Variants in NRG4 observed in about 807,000 individuals in gnomAD.
The protein encoded by NRG4 is neuregulin 4, also known as pro-neuregulin-4, membrane-bound isoform.
Under a neutral mutation model 15.0 loss-of-function variants are expected in NRG4, and 10 were observed. The observed-to-expected ratio is 0.67, with a 90% CI of 0.41 to 1.13. The LOEUF is 1.13. NRG4 is among the 50% of genes most tolerant of loss of function. The probability of loss-of-function intolerance (pLI) is 0.00; values close to 1 mark genes in which losing one functional copy is unlikely to be tolerated. For synonymous variants in NRG4, 41 were observed against 50.1 expected (o/e 0.82, Z 0.77); for missense variants, 139 against 140.2 (o/e 0.99, Z 0.04).
At chr15:75,947,819 T>A (rs934765356) in intron 5 of NRG4, among the ~76,000 whole-genome samples, 15 of 152,194 alleles carry the variant, frequency 9.9e-5, no homozygotes, top group Non-Finnish European at 2.1e-4. Context: ...TCTGGTTTTT[T>A]GTTTGTTTGT....
In NRG4 at chr15:76,021,342, T is replaced by G. The variant is rs143125143; in HGVS notation, c.-56-10056A>C. On this transcript the variant is annotated intron_variant, in intron 5 of 8. Coordinates refer to the NRG4 transcript ENST00000563910. The stretch of plus-strand genomic sequence containing the variant: ...GTCAGCATTTTTTAACAATAAAGTA[T>G]TTTTAAATTAAGGGATATACATTAT... Among the ~76,000 whole-genome samples the G allele has an allele frequency of 1.2e-3, 186 of 152,340 alleles. 2 individuals are homozygous for G. In the East Asian group the frequency reaches 0.032, roughly 26 times the overall value.
chr15:75,983,460 C>T (rs2033678377), intron 3 of NRG4, among the ~76,000 whole-genome samples: 1 of 152,130 alleles, frequency 6.6e-6, no homozygotes, highest in African/African-American at 2.4e-5. Flanking sequence ...AAAAAACACT[C>T]ACTGCTACCC....
intron 5 of NRG4, among the ~76,000 whole-genome samples, chr15:76,021,551 C>T (rs1230237996): frequency 2.0e-5 from 3 of 152,080 alleles, no homozygotes; most frequent in Non-Finnish European, 4.4e-5. Context: ...ACACACTAAA[C>T]CATTTTAGTG....
chr15:75,952,878 A>G (rs2141789213), intron 5 of NRG4, among the ~76,000 whole-genome samples: 1 of 152,268 alleles, frequency 6.6e-6, no homozygotes, highest in Admixed American at 6.5e-5. Context: ...AATATTGTTT[A>G]TATATTCAAC....
At chr15:76,025,646 C>T (rs2035293463) in intron 5 of NRG4, among the ~76,000 whole-genome samples, 1 of 152,002 alleles carries the variant, frequency 6.6e-6, no homozygotes, top group Non-Finnish European at 1.5e-5. Context: ...GAGGCCAAGA[C>T]TGGTAGATCA....
chr15:76,012,833 T>C (rs117028819), upstream of NRG4, among the ~76,000 whole-genome samples: 1 of 152,300 alleles, frequency 6.6e-6, no homozygotes, highest in East Asian at 1.9e-4. Context: ...GAAGAACTTA[T>C]AAAGCTAAAA....
intron 3 of NRG4, among the ~76,000 whole-genome samples, chr15:75,965,505 T>C (rs2032755478): frequency 6.6e-6 from 1 of 152,178 alleles, no homozygotes; most frequent in East Asian, 1.9e-4. Flanking sequence ...AACAATCTTA[T>C]CATTGTTAGG....
intron 3 of NRG4, among the ~76,000 whole-genome samples, chr15:75,979,251 G>A (rs538047409): frequency 3.2e-4 from 48 of 152,024 alleles, no homozygotes; most frequent in Non-Finnish European, 5.3e-4. Context: ...TAGTTTCATA[G>A]TTTCAGGTTT....
intron 3 of NRG4, among the ~76,000 whole-genome samples, chr15:75,993,502 C>T (rs1010533877): frequency 2.6e-5 from 4 of 151,094 alleles, no homozygotes; most frequent in Non-Finnish European, 4.4e-5. Context: ...GAGTTCAAGA[C>T]CAGCCTGGCC....
chr15:76,044,601 T>C (rs168029), intron 4 of NRG4, among the ~76,000 whole-genome samples: 10,489 of 149,162 alleles, frequency 0.07, 1,647 homozygotes, highest in African/African-American at 0.25. Context: ...TTTGGGAGGC[T>C]GAGGTGGGTG....
rs771290236 is a variant in NRG4 at position 75,941,446 on chromosome 15, G to A, written c.*2192C>T. Reference sequence around the variant, plus strand: ...GGGTATATACACAAAATAATTGAAAGCGGAGGCTTGAGGGTATATTTGTAT... The same window carrying A: ...GGGTATATACACAAAATAATTGAAAACGGAGGCTTGAGGGTATATTTGTAT... On this transcript the variant is annotated 3_prime_UTR_variant, in exon 6 of 6. Transcript: ENST00000394907. 2.0e-5 allele frequency: 3 copies of A among 152,156 alleles called. No individual in the cohort carries two copies. The highest frequency in any genetic ancestry group is 7.2e-5 in the African/African-American group (3 of 41,452). 9.4% of individuals were successfully genotyped at this position (152,156 alleles called of 1,614,324 possible).
At chr15:76,052,852 G>A (rs1182109123) in intron 3 of NRG4, 2 of 150,958 alleles carry the variant, frequency 1.3e-5, no homozygotes, top group African/African-American at 2.5e-5. Context: ...AAGTTTATGG[G>A]CTTTCTGTAG....
chr15:75,994,546 A>G (rs1385928003), intron 3 of NRG4, among the ~76,000 whole-genome samples: 3 of 152,214 alleles, frequency 2.0e-5, no homozygotes, highest in Non-Finnish European at 4.4e-5. Flanking sequence ...AATAGTGTTT[A>G]TACTTGTGCA....
intron 3 of NRG4, among the ~76,000 whole-genome samples, chr15:75,976,760 C>G (rs1311920648): frequency 6.6e-6 from 1 of 152,214 alleles, no homozygotes; most frequent in African/African-American, 2.4e-5. Flanking sequence ...TATGAGATGT[C>G]TGTTGACCCC....
At chr15:76,014,226 G>A (rs1458655060), upstream of NRG4, among the ~76,000 whole-genome samples, 1 of 152,068 alleles carries the variant, frequency 6.6e-6, no homozygotes, top group Non-Finnish European at 1.5e-5. Context: ...TAAGTTCCTT[G>A]TAGATTCTGG....
At chr15:76,014,692 C>T (rs528759172), upstream of NRG4, among the ~76,000 whole-genome samples, 1 of 152,178 alleles carries the variant, frequency 6.6e-6, no homozygotes, top group South Asian at 2.1e-4. Flanking sequence ...TGTTCTGTTC[C>T]ATTGGTCTAT....
chr15:76,054,313 A>G (rs2141969516), intron 2 of NRG4, among the ~76,000 whole-genome samples: 1 of 141,592 alleles, frequency 7.1e-6, no homozygotes, highest in Non-Finnish European at 1.5e-5. Flanking sequence ...CTGATCTTGA[A>G]CTCCTTAGCT....
downstream of NRG4, chr15:75,939,625 G>C (rs1396407949): frequency 1.3e-5 from 2 of 152,130 alleles, no homozygotes; most frequent in Non-Finnish European, 2.9e-5. Flanking sequence ...TATGATCGCT[G>C]ATTCAACAAT....
intron 3 of NRG4, among the ~76,000 whole-genome samples, chr15:75,998,343 A>G (rs1596004973): frequency 1.3e-5 from 2 of 152,302 alleles, no homozygotes; most frequent in South Asian, 2.1e-4. Context: ...AATGGGTTTT[A>G]CTTTTTAAAA....
Sources: gnomAD v4.1 joint callset for allele counts (sites outside exome capture counted in the v4.1 genomes callset) on GRCh38, gnomAD v4.1.1 for gene constraint, MANE v1.5 for transcripts, NCBI Gene and HGNC (gene_info 2026-07-23, HGNC 2026-07-21) for gene names.